PRMT7: variants seen among roughly 807,000 people sequenced by gnomAD.
PRMT7 encodes the protein protein arginine N-methyltransferase 7.
Under a neutral mutation model 85.4 loss-of-function variants are expected in PRMT7, and 75 were observed. That is an observed-to-expected ratio of 0.88 (90% CI 0.73 to 1.06). The LOEUF (loss-of-function observed/expected upper bound fraction) is 1.06, where lower values mean the gene tolerates loss of function less well. Ranked by LOEUF, PRMT7 falls within the 50% of genes least tolerant of loss-of-function variation. The pLI, the probability that PRMT7 is intolerant of heterozygous loss-of-function variation, is 0.00. For synonymous variants in PRMT7, 397 were observed against 359.5 expected, an observed-to-expected ratio of 1.10 and a Z score of -1.18; for missense variants, 868 against 915.2, an observed-to-expected ratio of 0.95 and a Z score of 0.67.
At chr16:68,339,148 T>A (rs1439266154) in intron 7 of PRMT7, among the ~76,000 whole-genome samples, 174 bp from the exon 8 acceptor site, 3 of 152,200 alleles carry the variant, frequency 2.0e-5, no homozygotes, top group Admixed American at 2.0e-4. Context: ...GTACCCTTTT[T>A]TTCCCTTTTC....
chr16:68,345,345 C>T (rs1378035273), intron 9 of PRMT7, among the ~76,000 whole-genome samples: 1 of 152,212 alleles, frequency 6.6e-6, no homozygotes, highest in Non-Finnish European at 1.5e-5. Flanking sequence ...AGGAAACATT[C>T]AGCACAGCTC....
At position 68,316,081 on chromosome 16, in the gene PRMT7, G is replaced by A. The variant is rs1435108430; in HGVS notation, c.95+7G>A. 1.5e-5 allele frequency: 24 copies of A among 1,612,956 alleles called. No individual in the cohort carries two copies. Among genetic ancestry groups the A allele is most frequent in the Non-Finnish European group, 2.0e-5 (24 of 1,179,582 alleles). ...ACCACCAGGAGATTGCAAGGTACTG[G>A]GTTGGTTTACAGCAGGCTGCAGCTG... On this transcript the variant is annotated splice_region_variant and intron_variant, in intron 3 of 18. Coordinates refer to ENST00000441236, the MANE Select transcript of PRMT7 (RefSeq NM_019023.5).
chr16:68,359,763 GAACTTTGA>G (rs1233885693), downstream of PRMT7: 3 of 152,564 alleles, frequency 2.0e-5, no homozygotes, highest in African/African-American at 7.2e-5. Context: ...GTTGAGTCTC[GAACTTTGA>G]AACAGACAAA....
chr16:68,317,640 C>T (rs973741802), intron 3 of PRMT7, among the ~76,000 whole-genome samples: 6 of 152,114 alleles, frequency 3.9e-5, no homozygotes, highest in Non-Finnish European at 7.4e-5. Flanking sequence ...CCAGCCTGAC[C>T]AACATGGAGA....
rs562871636 is a variant in PRMT7 at position 68,337,275 on chromosome 16, AT to A, written c.392-172del. Among the ~76,000 whole-genome samples the A allele has an allele frequency of 7.5e-3, 1,097 of 146,490 alleles. 1 individual carries two copies. Among genetic ancestry groups the A allele is most frequent in the African/African-American group, 0.01 (411 of 40,210 alleles). On this transcript the variant is annotated intron_variant, in intron 6 of 18. Transcript: ENST00000441236. ...CGTTTTGTCATACATTTACATATGG[AT>A]TTTTTTTTTTTCCTGAACCATTGGC... is the stretch of plus-strand genomic sequence containing the variant.
intron 14 of PRMT7, among the ~76,000 whole-genome samples, chr16:68,349,640 T>C (rs1401595500): frequency 6.6e-6 from 1 of 152,150 alleles, no homozygotes; most frequent in African/African-American, 2.4e-5. Flanking sequence ...ATGTCTGTAA[T>C]CCCAGAACTT....
At chr16:68,353,338 A>C in intron 15 of PRMT7, 154 bp from the exon 16 acceptor site, 1 of 1,455,178 alleles carries the variant, frequency 6.9e-7, no homozygotes. Context: ...CTGTTACAGA[A>C]ACCGTTGTGG....
chr16:68,352,059 TG>T (rs2087460676), intron 14 of PRMT7, 188 bp from the exon 15 acceptor site: 1 of 594,090 alleles, frequency 1.7e-6, no homozygotes, highest in Non-Finnish European at 2.9e-6. Flanking sequence ...CTTGCTTGTT[TG>T]TTGACTGAGG....
intron 3 of PRMT7, among the ~76,000 whole-genome samples, chr16:68,316,504 G>A (rs1035940113): frequency 3.3e-5 from 5 of 152,024 alleles, no homozygotes; most frequent in Non-Finnish European, 7.4e-5. Context: ...AGTGGCTCAC[G>A]CCTCTAATCC....
At chr16:68,349,232 T>TG (rs1236409445) in intron 14 of PRMT7, among the ~76,000 whole-genome samples, 1 of 152,164 alleles carries the variant, frequency 6.6e-6, no homozygotes, top group Non-Finnish European at 1.5e-5. Context: ...CCTTCCTGGC[T>TG]GCTCCTTACC....
chr16:68,321,296 A>G, intron 3 of PRMT7, 130 bp from the exon 4 acceptor site: 1 of 693,670 alleles, frequency 1.4e-6, no homozygotes, highest in Non-Finnish European at 2.3e-6. Context: ...TAAAGATAAA[A>G]GACAACCAAA....
chr16:68,348,523 T>C, intron 14 of PRMT7, 92 bp downstream of exon 14: 1 of 1,003,180 alleles, frequency 1.0e-6, no homozygotes, highest in Admixed American at 2.4e-5. Flanking sequence ...GTCCCTGGAG[T>C]CTCACAGTGG....
chr16:68,332,522 C>G (rs1316458210), intron 6 of PRMT7, among the ~76,000 whole-genome samples: 1 of 152,188 alleles, frequency 6.6e-6, no homozygotes, highest in Admixed American at 6.5e-5. Flanking sequence ...TTGAATGTTT[C>G]CCAGGCCTCT....
intron 9 of PRMT7, among the ~76,000 whole-genome samples, chr16:68,343,787 T>C (rs997210450): frequency 6.6e-6 from 1 of 152,232 alleles, no homozygotes; most frequent in African/African-American, 2.4e-5. Flanking sequence ...GTTTTTATGT[T>C]CAAGTAAGCG....
chr16:68,339,525 C>T lies in PRMT7; in HGVS notation c.708C>T (p.Ala236=), dbSNP rs12926948. The change falls in exon 8 of 19, where the codon GCC becomes GCT. Residue 236 remains alanine, a synonymous_variant. Transcript: ENST00000441236. ...CDIQLNQVSP[A]DFTVLSDVLP... ...TTCAGCTGAACCAGGTGTCACCAGC[C>T]GACTTTACAGTCCTCAGCGATGTGC... 35,599 of 1,614,052 alleles carry T rather than the reference C, an allele frequency of 0.022. 504 individuals are homozygous for T. The highest frequency in any genetic ancestry group is 0.027 in the Non-Finnish European group (32,115 of 1,180,014).
At chr16:68,330,224 G>T (rs919512911) in intron 6 of PRMT7, among the ~76,000 whole-genome samples, 1 of 152,088 alleles carries the variant, frequency 6.6e-6, no homozygotes, top group Non-Finnish European at 1.5e-5. Context: ...CTAGAACTTT[G>T]TTTCAGTCTT....
chr16:68,341,601 G>T (rs1478529151), intron 9 of PRMT7, among the ~76,000 whole-genome samples: 1 of 152,106 alleles, frequency 6.6e-6, no homozygotes, highest in Non-Finnish European at 1.5e-5. Flanking sequence ...TAGAGATGGG[G>T]TTTCTCCACG....
chr16:68,338,051 G>A (rs1376276410), intron 7 of PRMT7, among the ~76,000 whole-genome samples: 1 of 152,174 alleles, frequency 6.6e-6, no homozygotes, highest in Admixed American at 6.5e-5. Flanking sequence ...GGGTTTGGGG[G>A]CCATGCCCAG....
intron 6 of PRMT7, among the ~76,000 whole-genome samples, chr16:68,334,342 G>GGCTTCCTCATTGCCAAGTT (rs552496505): frequency 6.6e-6 from 1 of 152,144 alleles, no homozygotes; most frequent in Non-Finnish European, 1.5e-5. Flanking sequence ...CCTGACAAGT[G>GGCTTCCTCATTGCCAAGTT]GCTTCCTCAT....
Sources: allele counts gnomAD v4.1 joint callset (sites outside exome capture counted in the v4.1 genomes callset), GRCh38; gene constraint gnomAD v4.1.1; transcripts MANE v1.5; gene names NCBI Gene and HGNC (gene_info 2026-07-23, HGNC 2026-07-21).